PHLPP2: variants seen among roughly 807,000 people sequenced by gnomAD.
PHLPP2 encodes the protein PH domain and leucine rich repeat protein phosphatase 2.
Under a neutral mutation model 124.9 loss-of-function variants are expected in PHLPP2, and 66 were observed. The ratio of observed to expected loss-of-function variants is 0.53; its 90% confidence interval spans 0.43 to 0.65. The LOEUF (loss-of-function observed/expected upper bound fraction) is 0.65. PHLPP2 is among the 30% of genes least tolerant of loss of function. PHLPP2 has a pLI of 0.00. For missense variants in PHLPP2, 1,685 were observed against 1,600.4 expected (o/e 1.05, Z -0.90); for synonymous variants, 681 against 624.7 (o/e 1.09, Z -1.34).
In PHLPP2 at chr16:71,718,692, C is replaced by T. The variant is rs528619678; in HGVS notation, c.-6-3891G>A. Among the ~76,000 whole-genome samples, 91 of 151,718 alleles carry T rather than the reference C, an allele frequency of 6.0e-4. 1 individual carries two copies. The highest frequency in any genetic ancestry group is 5.9e-4 in the Admixed American group (9 of 15,228). On this transcript the variant is annotated intron_variant, in intron 1 of 18. Transcript: ENST00000568954. Reference sequence around the variant, plus strand: ...ACCAGCCTGGGCAACATAGTGAAACCGCGTCTCAAAAAAAATTAAAATAAA... The same window carrying T: ...ACCAGCCTGGGCAACATAGTGAAACTGCGTCTCAAAAAAAATTAAAATAAA...
At position 71,646,664 on chromosome 16, in the gene PHLPP2, T is replaced by C. The variant is rs1405452247; in HGVS notation, c.*2226A>G. The stretch of plus-strand genomic sequence containing the variant: ...TAAGTAAGATGTTTTACATCACTCA[T>C]CACTATCATCCTGTTATTTCATTTT... On this transcript the variant is annotated 3_prime_UTR_variant, in exon 19 of 19. Transcript: ENST00000568954. The C allele has an allele frequency of 6.9e-6, 1 of 144,276 alleles. No individual in the cohort carries two copies. The highest frequency in any genetic ancestry group is 2.5e-5 in the African/African-American group (1 of 39,678). 8.9% of individuals were successfully genotyped at this position (144,276 alleles called of 1,614,324 possible). A position where few individuals can be genotyped will look rare whatever the true frequency, so the allele number is the denominator to read the frequency against.
chr16:71,684,437 AT>A (rs757683378), intron 5 of PHLPP2, 38 bp downstream of exon 5: 1 of 1,609,930 alleles, frequency 6.2e-7, no homozygotes, highest in African/African-American at 1.3e-5. Context: ...AGGGTTCTCT[AT>A]TCTTATCTCC....
intron 5 of PHLPP2, among the ~76,000 whole-genome samples, chr16:71,683,648 G>C (rs1171482625): frequency 1.3e-5 from 2 of 152,176 alleles, no homozygotes; most frequent in East Asian, 3.8e-4. Context: ...ATTTTTGACA[G>C]CATTTTGTAC....
chr16:71,678,991 G>A lies in PHLPP2; in HGVS notation c.1038-6C>T, dbSNP rs753453762. The A allele has an allele frequency of 2.0e-6, 3 of 1,490,802 alleles. No individual in the cohort carries two copies. Among genetic ancestry groups the A allele is most frequent in the Non-Finnish European group, 2.8e-6 (3 of 1,071,488 alleles). The allele number at this position is 1,490,802 out of a possible 1,614,324, so 92.3% of individuals were successfully genotyped here. A position where few individuals can be genotyped will look rare whatever the true frequency, so the allele number is the denominator to read the frequency against. ...CAAGACAGAGGGTTTGAAGACTATAGGAAGAAAACAAAACAAGTCTACTTT... is the reference window on the plus strand; with the variant it reads ...CAAGACAGAGGGTTTGAAGACTATAAGAAGAAAACAAAACAAGTCTACTTT... On this transcript the variant is annotated splice_polypyrimidine_tract_variant and splice_region_variant and intron_variant, in intron 7 of 18. Coordinates refer to ENST00000568954, the MANE Select transcript of PHLPP2 (RefSeq NM_015020.3).
In PHLPP2 at chr16:71,690,934, T is replaced by C. The variant is rs996020924; in HGVS notation, c.419-225A>G. On this transcript the variant is annotated intron_variant, in intron 3 of 18. Coordinates refer to ENST00000568954, the MANE Select transcript of PHLPP2 (RefSeq NM_015020.3). ...AAGCAAAATTGTACTTTGGATGCCATTGTTACATTAACCCTTCTTCCAACA... is the reference window on the plus strand; with the variant it reads ...AAGCAAAATTGTACTTTGGATGCCACTGTTACATTAACCCTTCTTCCAACA... Among the ~76,000 whole-genome samples, 8 of 152,302 alleles carry C rather than the reference T, an allele frequency of 5.3e-5. No individual in the cohort carries two copies. The East Asian group carries it at 5.8e-4, about 11-fold the overall frequency.
At chr16:71,699,959 C>G (rs1025949730) in intron 3 of PHLPP2, among the ~76,000 whole-genome samples, 2 of 152,212 alleles carry the variant, frequency 1.3e-5, no homozygotes, top group Non-Finnish European at 2.9e-5. Context: ...TTGTTCCCAC[C>G]AGCGTCCAAT....
chr16:71,656,893 G>T (rs2044746608), intron 15 of PHLPP2, among the ~76,000 whole-genome samples: 2 of 151,834 alleles, frequency 1.3e-5, no homozygotes, highest in Admixed American at 6.6e-5. Context: ...GAGATTACAG[G>T]TGTATGCCAC....
chr16:71,714,969 G>T, intron 1 of PHLPP2, 168 bp from the exon 2 acceptor site: 1 of 794,720 alleles, frequency 1.3e-6, no homozygotes, highest in Non-Finnish European at 1.9e-6. Context: ...TAATAACTCA[G>T]ATAACTTAAT....
At chr16:71,692,411 A>C (rs912305848) in intron 3 of PHLPP2, among the ~76,000 whole-genome samples, 3 of 152,040 alleles carry the variant, frequency 2.0e-5, no homozygotes, top group Non-Finnish European at 2.9e-5. Flanking sequence ...GCCTATTTAA[A>C]TTAGGTATCA....
intron 3 of PHLPP2, among the ~76,000 whole-genome samples, chr16:71,694,268 C>A (rs1470496197): frequency 6.6e-6 from 1 of 151,596 alleles, no homozygotes; most frequent in Non-Finnish European, 1.5e-5. Flanking sequence ...TTGAGACCAG[C>A]GTGACCAACA....
At chr16:71,671,190 G>A (rs954122751) in intron 10 of PHLPP2, among the ~76,000 whole-genome samples, 2 of 152,198 alleles carry the variant, frequency 1.3e-5, no homozygotes, top group Non-Finnish European at 2.9e-5. Flanking sequence ...TAAGCAGGAA[G>A]AAATGGAAGG....
intron 6 of PHLPP2, 84 bp downstream of exon 6, chr16:71,681,667 T>C (rs1689789457): frequency 4.7e-6 from 5 of 1,073,984 alleles, no homozygotes; most frequent in Non-Finnish European, 5.2e-6. Context: ...AGAATATACA[T>C]ACAATGGTAG....
intron 3 of PHLPP2, among the ~76,000 whole-genome samples, chr16:71,700,815 G>A (rs970163573): frequency 3.9e-5 from 6 of 152,096 alleles, no homozygotes; most frequent in African/African-American, 9.7e-5. Flanking sequence ...GTGAGCCACC[G>A]CACCTGGCCT....
chr16:71,687,719 T>C (rs9930588), intron 4 of PHLPP2, among the ~76,000 whole-genome samples: 5,738 of 152,236 alleles, frequency 0.038, 359 homozygotes, highest in African/African-American at 0.13. Flanking sequence ...TTATCCCGAG[T>C]GTATCACATT....
At chr16:71,657,552 G>A (rs1222285218) in intron 15 of PHLPP2, among the ~76,000 whole-genome samples, 4 of 150,568 alleles carry the variant, frequency 2.7e-5, no homozygotes, top group African/African-American at 9.8e-5. Context: ...CCGCCACCTC[G>A]CCCGGCTAAT....
chr16:71,671,988 C>T (rs1032177882), intron 10 of PHLPP2, among the ~76,000 whole-genome samples: 2 of 152,120 alleles, frequency 1.3e-5, no homozygotes, highest in Non-Finnish European at 2.9e-5. Flanking sequence ...GGAATCAGTG[C>T]CTTGAAGATA....
chr16:71,648,870 CA>C lies in PHLPP2; in HGVS notation c.*19del. 1 of 1,586,262 alleles carries C rather than the reference CA, an allele frequency of 6.3e-7. No individual in the cohort carries two copies. Among genetic ancestry groups the C allele is most frequent in the Non-Finnish European group, 8.6e-7 (1 of 1,157,492 alleles). ...CCCAACCCTGCACAGCCTCCTCCCA[CA>C]CTGTGCCCAGTGGGGCAGTCATAGT... On this transcript the variant is annotated 3_prime_UTR_variant, in exon 19 of 19. Coordinates refer to ENST00000568954, the MANE Select transcript of PHLPP2 (RefSeq NM_015020.3).
chr16:71,678,853 G>A lies in PHLPP2; in HGVS notation c.1170C>T (p.Leu390=), dbSNP rs1250035908. ...CCATAACCACTCTATCTAACATAGT[G>A]AGTTTCTCATAAACCTCAGGAATTT... is the stretch of plus-strand genomic sequence containing the variant. ...FSQIPEVYEK[L]TMLDRVVMAG... The change falls in exon 8 of 19, where the codon CTC becomes CTT. Residue 390 remains leucine, a synonymous_variant. Transcript: ENST00000568954. The A allele has an allele frequency of 1.9e-6, 3 of 1,611,860 alleles. No homozygotes were observed. The highest frequency in any genetic ancestry group is 1.6e-4 in the Middle Eastern group (1 of 6,080).
At chr16:71,713,738 A>G (rs956899504) in intron 2 of PHLPP2, among the ~76,000 whole-genome samples, 22 of 152,184 alleles carry the variant, frequency 1.4e-4, no homozygotes, top group African/African-American at 5.3e-4. Context: ...AATTTATAAT[A>G]TATGTAGAGA....
Sources: gnomAD v4.1 joint callset for allele counts (sites outside exome capture counted in the v4.1 genomes callset) on GRCh38, gnomAD v4.1.1 for gene constraint, MANE v1.5 for transcripts, NCBI Gene and HGNC (gene_info 2026-07-23, HGNC 2026-07-21) for gene names.